KCNIP4: variants seen among roughly 807,000 people sequenced by gnomAD.
The protein encoded by KCNIP4 is Kv channel-interacting protein 4.
In KCNIP4, 12 loss-of-function variants were observed where a neutral mutation model predicts 34.0. The ratio of observed to expected loss-of-function variants is 0.35; its 90% CI spans 0.23 to 0.57. The LOEUF (loss-of-function observed/expected upper bound fraction) is 0.57. KCNIP4 is among the 20% of genes least tolerant of loss of function. The pLI is 0.83. For synonymous variants in KCNIP4, 124 were observed against 102.2 expected (o/e 1.21, Z -1.29); for missense variants, 238 against 311.7 (o/e 0.76, Z 1.78).
chr4:21,232,907 C>T (rs927871714), intron 1 of KCNIP4, among the ~76,000 whole-genome samples: 18 of 152,054 alleles, frequency 1.2e-4, no homozygotes, highest in East Asian at 1.9e-4. Flanking sequence ...AGGGGATTAC[C>T]GAATGTAGGT....
chr4:21,465,896 T>G (rs1378997251), intron 1 of KCNIP4, among the ~76,000 whole-genome samples: 1 of 152,188 alleles, frequency 6.6e-6, no homozygotes, highest in Non-Finnish European at 1.5e-5. Flanking sequence ...TGGTCCTTCA[T>G]GTGCTCCAGC....
chr4:21,737,648 C>T (rs1716083111), intron 1 of KCNIP4, among the ~76,000 whole-genome samples: 2 of 152,166 alleles, frequency 1.3e-5, no homozygotes, highest in South Asian at 4.1e-4. Context: ...TGCCAGTAAC[C>T]ATGGCCACTA....
chr4:21,122,489 A>G (rs1184453982), intron 1 of KCNIP4, among the ~76,000 whole-genome samples: 1 of 145,884 alleles, frequency 6.9e-6, no homozygotes, highest in South Asian at 2.1e-4. Context: ...GTGCGTATAC[A>G]TTTTGAAAAT....
intron 1 of KCNIP4, among the ~76,000 whole-genome samples, chr4:21,744,280 A>G (rs1232168396): frequency 1.3e-5 from 2 of 152,154 alleles, no homozygotes; most frequent in Non-Finnish European, 2.9e-5. Flanking sequence ...AACTTAGCAA[A>G]GTCACCCTCT....
chr4:20,966,461 T>C (rs1734358906), intron 1 of KCNIP4, among the ~76,000 whole-genome samples: 1 of 151,966 alleles, frequency 6.6e-6, no homozygotes, highest in African/African-American at 2.4e-5. Context: ...ATTTAGAAAA[T>C]AAAAAAAGAA....
At chr4:21,174,899 C>T (rs1754289388) in intron 1 of KCNIP4, among the ~76,000 whole-genome samples, 1 of 108,122 alleles carries the variant, frequency 9.2e-6, no homozygotes, top group Non-Finnish European at 2.0e-5. Context: ...GAGACACTGT[C>T]TCAAAAAAAA....
chr4:21,790,623 C>G lies in KCNIP4; in HGVS notation c.61+157948G>C, dbSNP rs1024834338. 2.6e-5 allele frequency among the ~76,000 whole-genome samples: 4 copies of G among 151,782 alleles called. No individual in the cohort carries two copies. The East Asian group carries it at 7.8e-4, about 30-fold the overall frequency. On this transcript the variant is annotated intron_variant, in intron 1 of 8. Coordinates refer to ENST00000382152, the MANE Select transcript of KCNIP4 (RefSeq NM_025221.6). ...CATTAAGAAAAAAAAAGAGAACTTT[C>G]AACCAGAAGAGGGCGCTATCCTCAA... is the stretch of plus-strand genomic sequence containing the variant.
chr4:20,813,050 G>A (rs1050145840), intron 3 of KCNIP4, among the ~76,000 whole-genome samples: 1 of 152,118 alleles, frequency 6.6e-6, no homozygotes, highest in Non-Finnish European at 1.5e-5. Context: ...TGTAAGTGAT[G>A]TTGGAAAAAT....
At chr4:20,850,473 C>A in intron 3 of KCNIP4, 70 bp downstream of exon 3, 1 of 1,524,486 alleles carries the variant, frequency 6.6e-7, no homozygotes, top group Non-Finnish European at 9.0e-7. Context: ...ATATTTTCCC[C>A]CTTTTCCTCT....
chr4:21,902,848 G>A (rs973029477), intron 1 of KCNIP4, among the ~76,000 whole-genome samples: 2 of 152,136 alleles, frequency 1.3e-5, no homozygotes, highest in African/African-American at 2.4e-5. Context: ...GTGACAATCA[G>A]TACATATAGG....
At chr4:21,577,087 A>C (rs897399383) in intron 1 of KCNIP4, among the ~76,000 whole-genome samples, 45 of 152,170 alleles carry the variant, frequency 3.0e-4, no homozygotes, top group Non-Finnish European at 6.2e-4. Flanking sequence ...ATACCAACTT[A>C]TCTTCCAGTC....
chr4:21,929,074 A>G (rs1230052281), intron 1 of KCNIP4, among the ~76,000 whole-genome samples: 8 of 152,164 alleles, frequency 5.3e-5, no homozygotes, highest in Admixed American at 5.2e-4. Flanking sequence ...TCTCAAAAAC[A>G]TAATGACAAG....
At chr4:21,721,592 G>A (rs1337468914) in intron 1 of KCNIP4, among the ~76,000 whole-genome samples, 1 of 152,034 alleles carries the variant, frequency 6.6e-6, no homozygotes, top group Non-Finnish European at 1.5e-5. Flanking sequence ...TAATTTCTGG[G>A]GGCAAGTATA....
At chr4:21,615,697 A>C (rs577187588) in intron 1 of KCNIP4, among the ~76,000 whole-genome samples, 1 of 152,330 alleles carries the variant, frequency 6.6e-6, no homozygotes, top group East Asian at 1.9e-4. Flanking sequence ...CCCATCCCTA[A>C]ATCTGCTTCC....
At chr4:20,975,406 A>G (rs868749124) in intron 1 of KCNIP4, among the ~76,000 whole-genome samples, 1 of 152,202 alleles carries the variant, frequency 6.6e-6, no homozygotes, top group South Asian at 2.1e-4. Flanking sequence ...TCTAAGAGAC[A>G]ATAATACCGA....
intron 1 of KCNIP4, among the ~76,000 whole-genome samples, chr4:20,947,398 C>G (rs1434953): frequency 0.63 from 95,152 of 151,610 alleles, 30,316 homozygotes; most frequent in East Asian, 0.82. Context: ...CAAACTCCTG[C>G]CCTCATGTGG....
intron 1 of KCNIP4, among the ~76,000 whole-genome samples, chr4:21,906,406 G>A (rs1427670478): frequency 2.0e-5 from 3 of 152,150 alleles, no homozygotes; most frequent in Non-Finnish European, 4.4e-5. Flanking sequence ...AGAGATTGGC[G>A]TGATGTAGCC....
intron 1 of KCNIP4, among the ~76,000 whole-genome samples, chr4:21,404,654 A>G (rs948855418): frequency 9.2e-5 from 14 of 152,210 alleles, no homozygotes; most frequent in Non-Finnish European, 1.5e-4. Context: ...AAGTATTATT[A>G]TATAGGATTG....
At chr4:20,848,132 C>T (rs1720592612) in intron 3 of KCNIP4, among the ~76,000 whole-genome samples, 1 of 151,888 alleles carries the variant, frequency 6.6e-6, no homozygotes, top group African/African-American at 2.4e-5. Context: ...TGAGAGATGT[C>T]GATTAATATT....
Sources: allele counts gnomAD v4.1 joint callset (sites outside exome capture counted in the v4.1 genomes callset), GRCh38; gene constraint gnomAD v4.1.1; transcripts MANE v1.5; gene names NCBI Gene and HGNC (gene_info 2026-07-23, HGNC 2026-07-21).